SLC25A26: variants seen among roughly 807,000 people sequenced by gnomAD.
The protein encoded by SLC25A26 is solute carrier family 25 member 26.
SLC25A26 carries 36 observed loss-of-function variants against 37.8 expected under a neutral mutation model. That is an observed-to-expected ratio of 0.95 (90% CI 0.73 to 1.26). SLC25A26 has a LOEUF of 1.26. Ranked by LOEUF, SLC25A26 falls within the 50% of genes most tolerant of loss-of-function variation. SLC25A26 has a pLI of 0.00. For synonymous variants in SLC25A26, 129 were observed against 122.5 expected, an observed-to-expected ratio of 1.05 and a Z score of -0.35; for missense variants, 390 against 331.1, an observed-to-expected ratio of 1.18 and a Z score of -1.38.
chr3:66,348,235 T>C (rs568874684), intron 6 of SLC25A26, among the ~76,000 whole-genome samples: 8 of 152,304 alleles, frequency 5.3e-5, no homozygotes, highest in Non-Finnish European at 4.4e-5. Context: ...TACTGAAAAC[T>C]GTGGGCCATG....
chr3:66,175,107 G>GTATATATATATATATATA (rs1201695553), intron 1 of SLC25A26, among the ~76,000 whole-genome samples: 7 of 80,528 alleles, frequency 8.7e-5, no homozygotes, highest in Middle Eastern at 6.6e-3. Flanking sequence ...ATATGTGTGT[G>GTATATATATATATATATA]TGTATATATA....
intron 1 of SLC25A26, among the ~76,000 whole-genome samples, chr3:66,156,754 C>T (rs1265230904): frequency 2.0e-5 from 3 of 152,064 alleles, no homozygotes; most frequent in African/African-American, 2.4e-5. Context: ...TGCCACACTC[C>T]GAGATCCACC....
chr3:66,348,224 A>C (rs558840517), intron 6 of SLC25A26, among the ~76,000 whole-genome samples: 30 of 152,332 alleles, frequency 2.0e-4, no homozygotes, highest in Non-Finnish European at 2.9e-5. Context: ...TGGTGCAGTG[A>C]TACTGAAAAC....
chr3:66,353,122 A>T, intron 6 of SLC25A26, among the ~76,000 whole-genome samples: 1 of 152,136 alleles, frequency 6.6e-6, no homozygotes. Context: ...CCCCACCTTA[A>T]AACCAGGGAA....
rs1051320450 is a variant in SLC25A26, at chr3:66,210,341, G to T, written c.-353-10401G>T. On this transcript the variant is annotated intron_variant, in intron 1 of 10. Transcript: ENST00000676754. ...GCTATGGGACAAAAGCTGGAGTGGG[G>T]TGATGTGAAGGAAAAGACAATCTCC... Among the ~76,000 whole-genome samples the T allele has an allele frequency of 3.9e-5, 6 of 152,008 alleles. No homozygotes were observed. In the South Asian group the frequency reaches 6.2e-4, roughly 16 times the overall value.
chr3:66,363,907 G>A (rs2076769200), intron 7 of SLC25A26, among the ~76,000 whole-genome samples: 1 of 152,146 alleles, frequency 6.6e-6, no homozygotes, highest in South Asian at 2.1e-4. Flanking sequence ...GATTGATTAT[G>A]ATGATGATCG....
chr3:66,358,138 G>A (rs2076618594), intron 6 of SLC25A26, among the ~76,000 whole-genome samples: 1 of 152,208 alleles, frequency 6.6e-6, no homozygotes, highest in African/African-American at 2.4e-5. Flanking sequence ...CTTCCTGTGA[G>A]TAATGTCTTC....
At chr3:66,360,017 A>G (rs931984278) in intron 6 of SLC25A26, among the ~76,000 whole-genome samples, 2 of 152,192 alleles carry the variant, frequency 1.3e-5, no homozygotes, top group Admixed American at 1.3e-4. Flanking sequence ...ACACGCTGTC[A>G]CATATTTAAT....
chr3:66,151,451 A>G (rs1053878377), intron 1 of SLC25A26, among the ~76,000 whole-genome samples: 1 of 152,242 alleles, frequency 6.6e-6, no homozygotes, highest in Admixed American at 6.5e-5. Flanking sequence ...ATTTAAATGC[A>G]TCACTTGCTT....
chr3:66,211,533 C>G (rs921624456), intron 1 of SLC25A26, among the ~76,000 whole-genome samples: 1 of 152,174 alleles, frequency 6.6e-6, no homozygotes, highest in African/African-American at 2.4e-5. Flanking sequence ...CTGCCTCCCC[C>G]GGTCTTTCCA....
intron 1 of SLC25A26, among the ~76,000 whole-genome samples, chr3:66,228,505 A>G (rs2071862813): frequency 6.6e-6 from 1 of 152,240 alleles, no homozygotes; most frequent in South Asian, 2.1e-4. Flanking sequence ...TTACACCCAC[A>G]GTTATCTCAC....
At chr3:66,250,295 T>A (rs2073030727) in intron 3 of SLC25A26, among the ~76,000 whole-genome samples, 1 of 152,176 alleles carries the variant, frequency 6.6e-6, no homozygotes, top group South Asian at 2.1e-4. Context: ...TTCCAGGCAT[T>A]GAGGATGAAA....
intron 1 of SLC25A26, among the ~76,000 whole-genome samples, chr3:66,203,831 T>C (rs74184748): frequency 0.21 from 31,698 of 152,082 alleles, 4,427 homozygotes; most frequent in African/African-American, 0.36. Flanking sequence ...CAGGTCCTAG[T>C]ACTCTATAGG....
chr3:66,242,827 C>T (rs2107107528), intron 2 of SLC25A26, among the ~76,000 whole-genome samples: 1 of 152,266 alleles, frequency 6.6e-6, no homozygotes, highest in Middle Eastern at 3.4e-3. Flanking sequence ...CCTGTTTATT[C>T]ATCAATGTAG....
At chr3:66,316,888 C>G (rs569368136) in intron 5 of SLC25A26, among the ~76,000 whole-genome samples, 289 of 152,276 alleles carry the variant, frequency 1.9e-3, no homozygotes, top group Middle Eastern at 6.8e-3. Context: ...TCCACTTGGT[C>G]TATTCAGCTA....
intron 1 of SLC25A26, among the ~76,000 whole-genome samples, chr3:66,141,515 A>G: frequency 6.8e-6 from 1 of 146,326 alleles, no homozygotes; most frequent in Admixed American, 6.9e-5. Context: ...AATAGTGTGA[A>G]TTTTTTTTTT....
At chr3:66,252,816 A>G (rs2073135835) in intron 3 of SLC25A26, among the ~76,000 whole-genome samples, 1 of 152,216 alleles carries the variant, frequency 6.6e-6, no homozygotes, top group African/African-American at 2.4e-5. Flanking sequence ...CCAGCTAATA[A>G]TAAAACACCA....
At chr3:66,217,872 A>G (rs1009858534), upstream of SLC25A26, among the ~76,000 whole-genome samples, 23 of 152,336 alleles carry the variant, frequency 1.5e-4, no homozygotes, top group East Asian at 3.9e-4. Flanking sequence ...TATACTAAGT[A>G]CAACCATTCT....
chr3:66,369,070 C>CTTT (rs1700200982), intron 7 of SLC25A26, among the ~76,000 whole-genome samples: 1 of 112,914 alleles, frequency 8.9e-6, no homozygotes, highest in Admixed American at 9.3e-5. Flanking sequence ...AAACAAAAGA[C>CTTT]AGTGGCCTAT....
Sources: gnomAD v4.1 joint callset for allele counts (sites outside exome capture counted in the v4.1 genomes callset) on GRCh38, gnomAD v4.1.1 for gene constraint, MANE v1.5 for transcripts, NCBI Gene and HGNC (gene_info 2026-07-23, HGNC 2026-07-21) for gene names.